Variants in CALCR observed in about 807,000 individuals in gnomAD.
CALCR encodes calcitonin receptor.
A neutral mutation model predicts 59.5 loss-of-function variants in CALCR; 47 were observed. That is an observed-to-expected ratio of 0.79 (90% CI 0.63 to 1.01). The LOEUF is 1.01. CALCR is among the 50% of genes least tolerant of loss of function. CALCR has a pLI of 0.00. For missense variants in CALCR, 566 were observed against 597.1 expected (o/e 0.95, Z 0.54); for synonymous variants, 213 against 211.3 (o/e 1.01, Z -0.07).
chr7:93,500,008 T>C (rs761787031), intron 2 of CALCR, among the ~76,000 whole-genome samples: 19 of 151,894 alleles, frequency 1.3e-4, no homozygotes, highest in Non-Finnish European at 2.2e-4. Context: ...TTTTATTAAA[T>C]GATGAAACTG....
intron 2 of CALCR, among the ~76,000 whole-genome samples, chr7:93,511,503 C>T (rs1251552746): frequency 2.0e-5 from 3 of 151,750 alleles, no homozygotes; most frequent in African/African-American, 7.3e-5. Context: ...ATCACTTTAT[C>T]AACAATTTAT....
chr7:93,432,725 G>A lies in CALCR; in HGVS notation c.1191+1528C>T, dbSNP rs75608235. ...ATGCAATCCTCTTGTGTTTTTCCAG[G>A]TATGCCCCACTGAGCCTGATTTCTC... On this transcript the variant is annotated intron_variant, in intron 13 of 13. Transcript: ENST00000426151. 9.0e-3 allele frequency among the ~76,000 whole-genome samples: 1,362 copies of A among 152,092 alleles called. 11 individuals are homozygous for A. The highest frequency in any genetic ancestry group is 0.013 in the Non-Finnish European group (896 of 67,972).
At chr7:93,483,004 T>C (rs1269443276) in intron 3 of CALCR, 1 of 419,110 alleles carries the variant, frequency 2.4e-6, no homozygotes, top group Non-Finnish European at 4.7e-6. Context: ...CATTGGGGCA[T>C]TACGTTTATA....
chr7:93,440,054 C>T (rs1799867080), intron 9 of CALCR, among the ~76,000 whole-genome samples: 1 of 152,134 alleles, frequency 6.6e-6, no homozygotes, highest in Non-Finnish European at 1.5e-5. Context: ...CTTTGAGATT[C>T]ATTTCAAATC....
In CALCR at chr7:93,429,937, T is replaced by TTG. The variant is rs1554393782; in HGVS notation, c.1192-3349_1192-3348insCA. ...CGGTTTTTTTTTTTGTTTGTTTGTT[T>TTG]TTTTGTTTTTTTTTGAGACAGAGTC... is the stretch of plus-strand genomic sequence containing the variant. On this transcript the variant is annotated intron_variant, in intron 13 of 13. Coordinates refer to ENST00000426151, the MANE Select transcript of CALCR (RefSeq NM_001742.4). Among the ~76,000 whole-genome samples, 106 of 110,210 alleles carry TTG rather than the reference T, an allele frequency of 9.6e-4. 2 individuals carry two copies. The highest frequency in any genetic ancestry group is 3.4e-3 in the African/African-American group (103 of 29,856). 72.3% of individuals were successfully genotyped at this position (110,210 alleles called of 152,430 possible). A position where few individuals can be genotyped will look rare whatever the true frequency, so the allele number is the denominator to read the frequency against.
At chr7:93,477,482 T>C in intron 5 of CALCR, 76 bp downstream of exon 5, 3 of 969,138 alleles carry the variant, frequency 3.1e-6, no homozygotes, top group Non-Finnish European at 4.8e-6. Context: ...ACATTTTGTA[T>C]CTGATTTTCT....
At chr7:93,513,619 G>C (rs879912039) in intron 2 of CALCR, among the ~76,000 whole-genome samples, 1 of 151,966 alleles carries the variant, frequency 6.6e-6, no homozygotes, top group Non-Finnish European at 1.5e-5. Context: ...TTTCTGTTAT[G>C]GTCTTTACAA....
At chr7:93,482,443 A>G (rs2115905035) in intron 3 of CALCR, among the ~76,000 whole-genome samples, 1 of 151,942 alleles carries the variant, frequency 6.6e-6, no homozygotes, top group East Asian at 2.0e-4. Flanking sequence ...ATGATGTCAT[A>G]TATAAATCTT....
Position 93,438,098 on chromosome 7 carries a change from G to C in CALCR, c.892C>G (p.Leu298Val). Residue 298 changes from leucine (L) to valine (V), a missense_variant, in exon 11 of 14, where the codon CTT becomes GTT. Coordinates refer to ENST00000426151, the MANE Select transcript of CALCR (RefSeq NM_001742.4). ...ATGACAGGTCCATGGATTATGTAAA[G>C]CAAATGGGTTTCCACACTCAGCCAG... is the stretch of plus-strand genomic sequence containing the variant. ...NCWLSVETHL[L>V]YIIHGPVMAA... 6.2e-7 allele frequency: 1 copy of C among 1,613,892 alleles called. No homozygotes were observed. Among genetic ancestry groups the C allele is most frequent in the Non-Finnish European group, 8.5e-7 (1 of 1,179,866 alleles).
intron 2 of CALCR, among the ~76,000 whole-genome samples, chr7:93,568,516 T>TCTCTCTCTCC: frequency 4.8e-5 from 2 of 41,554 alleles, no homozygotes; most frequent in Admixed American, 3.7e-4. Context: ...ACTTTCTCTC[T>TCTCTCTCTCC]CTCTCTCTCT....
chr7:93,566,114 A>G (rs1222683018), intron 2 of CALCR, among the ~76,000 whole-genome samples: 1 of 152,138 alleles, frequency 6.6e-6, no homozygotes, highest in Non-Finnish European at 1.5e-5. Context: ...TAATTTTCAT[A>G]TTTATTAAGA....
intron 2 of CALCR, among the ~76,000 whole-genome samples, chr7:93,528,400 T>C (rs535806766): frequency 6.6e-6 from 1 of 152,298 alleles, no homozygotes; most frequent in East Asian, 1.9e-4. Context: ...TTACATTAGG[T>C]ATATCCCCTA....
chr7:93,431,694 T>A (rs1799661457), intron 13 of CALCR, among the ~76,000 whole-genome samples: 1 of 152,202 alleles, frequency 6.6e-6, no homozygotes, highest in Non-Finnish European at 1.5e-5. Context: ...GAAAGCAAGA[T>A]AAGCTACAGG....
At chr7:93,496,375 G>A (rs757042792) in intron 2 of CALCR, among the ~76,000 whole-genome samples, 1 of 151,454 alleles carries the variant, frequency 6.6e-6, no homozygotes, top group Non-Finnish European at 1.5e-5. Flanking sequence ...CTTTTATGGT[G>A]TGATAACAAT....
intron 2 of CALCR, among the ~76,000 whole-genome samples, chr7:93,553,436 G>A (rs1789516602): frequency 6.6e-6 from 1 of 152,018 alleles, no homozygotes; most frequent in Non-Finnish European, 1.5e-5. Context: ...TGTGGTGCTA[G>A]GTTTACAAAA....
intron 2 of CALCR, among the ~76,000 whole-genome samples, chr7:93,556,504 T>G (rs1789610717): frequency 6.6e-6 from 1 of 152,098 alleles, no homozygotes; most frequent in Non-Finnish European, 1.5e-5. Context: ...TTGTAATTTA[T>G]TTTATGTGTA....
At chr7:93,547,020 T>G (rs1416015797) in intron 2 of CALCR, among the ~76,000 whole-genome samples, 1 of 152,158 alleles carries the variant, frequency 6.6e-6, no homozygotes, top group Non-Finnish European at 1.5e-5. Context: ...GGACAAGCTC[T>G]CAGAAGGCAC....
chr7:93,496,956 A>G (rs917502923), intron 2 of CALCR, among the ~76,000 whole-genome samples: 1 of 151,702 alleles, frequency 6.6e-6, no homozygotes, highest in African/African-American at 2.4e-5. Context: ...ATTCTTCATT[A>G]TTACAGGAAC....
intron 2 of CALCR, among the ~76,000 whole-genome samples, 167 bp downstream of exon 2, chr7:93,574,122 A>G (rs537866134): frequency 6.6e-6 from 1 of 152,338 alleles, no homozygotes; most frequent in East Asian, 1.9e-4. Context: ...TGACAAGGGT[A>G]AAGTAAAGCA....
Sources: gnomAD v4.1 joint callset for allele counts (sites outside exome capture counted in the v4.1 genomes callset) on GRCh38, gnomAD v4.1.1 for gene constraint, MANE v1.5 for transcripts, NCBI Gene and HGNC (gene_info 2026-07-23, HGNC 2026-07-21) for gene names.